Variants in CROCC observed in about 807,000 individuals in gnomAD.
CROCC encodes rootletin.
CROCC carries 180 observed loss-of-function variants against 245.2 expected under a neutral mutation model. The observed-to-expected ratio is 0.73, with a 90% CI of 0.65 to 0.83. The LOEUF is 0.83. CROCC is among the 40% of genes least tolerant of loss of function. CROCC has a pLI of 0.00. For missense variants in CROCC, 2,688 were observed against 2,779.4 expected (o/e 0.97, Z 0.74); for synonymous variants, 1,205 against 1,241.6 (o/e 0.97, Z 0.62).
At position 16,969,024 on chromosome 1, in the gene CROCC, G is replaced by C. The variant is rs1244187940; in HGVS notation, c.5077-92G>C. 2.5e-6 allele frequency: 3 copies of C among 1,203,996 alleles called. No homozygotes were observed. The African/African-American group carries it at 4.5e-5, about 18-fold the overall frequency. 74.6% of individuals were successfully genotyped at this position (1,203,996 alleles called of 1,614,324 possible). A position where few individuals can be genotyped will look rare whatever the true frequency, so the allele number is the denominator to read the frequency against. On this transcript the variant is annotated intron_variant, in intron 31 of 36. Transcript: ENST00000375541. ...CCCAGAGAGAAGTGGGAAGGGTGTG[G>C]ATTGGGCATGCCAGGTGGAGGTCAC...
At position 16,971,540 on chromosome 1, in the gene CROCC, C is replaced by T. The variant is rs1410046865; in HGVS notation, c.5860C>T (p.Leu1954=). Residue 1954 remains leucine (L), a synonymous_variant, in exon 36 of 37, where the codon CTG becomes TTG. Coordinates refer to ENST00000375541, the MANE Select transcript of CROCC (RefSeq NM_014675.5). ...EVDAQQQQLE[L]QQEVERLRSA... The stretch of plus-strand genomic sequence containing the variant: ...GGATGCGCAGCAGCAGCAGCTGGAG[C>T]TGCAGCAGGAGGTGGAGCGGCTGCG... 5 of 1,536,798 alleles carry T rather than the reference C, an allele frequency of 3.3e-6. No individual in the cohort carries two copies. Among genetic ancestry groups the T allele is most frequent in the Middle Eastern group, 2.1e-4 (1 of 4,654 alleles).
chr1:16,949,043 G>C, intron 19 of CROCC, 117 bp downstream of exon 19: 1 of 1,369,976 alleles, frequency 7.3e-7, no homozygotes, highest in Non-Finnish European at 9.9e-7. Flanking sequence ...GCTGGCCTGG[G>C]TTCCAGTCCT....
rs770875536 is a variant in CROCC, at chr1:16,966,008, C to T, written c.4585C>T (p.Arg1529Trp). 4 of 1,612,660 alleles carry T rather than the reference C, an allele frequency of 2.5e-6. No homozygotes were observed. The highest frequency in any genetic ancestry group is 1.3e-5 in the African/African-American group (1 of 74,920). Residue 1529 changes from arginine to tryptophan, a missense_variant, in exon 29 of 37, where the codon CGG becomes TGG. Transcript: ENST00000375541. This position sits in a 1 kb window ranked among gnomAD's most constrained non-coding sequence, Gnocchi z 4.8. ...CATGTCGGGGCTACAGGACGAACTT[C>T]GGACCCAGACCAGTGCCCTGAATCG... is the stretch of plus-strand genomic sequence containing the variant. Reference protein sequence around the residue: ...RSAQRERDELRTQTSALNRQL... With the variant: ...RSAQRERDELWTQTSALNRQL...
In CROCC at chr1:16,955,404, G is replaced by C. The variant is rs562130845; in HGVS notation, c.3558G>C (p.Glu1186Asp). 3.7e-6 allele frequency: 6 copies of C among 1,604,176 alleles called. No homozygotes were observed. Among genetic ancestry groups the C allele is most frequent in the East Asian group, 2.2e-5 (1 of 44,766 alleles). ...ELLEAQRKLR[E>D]SQEGREVQRQ... ...TGGAGGCCCAGCGCAAGCTGCGTGAGAGCCAGGAGGGCCGGGAGGTGCAGC... is the reference window on the plus strand; with the variant it reads ...TGGAGGCCCAGCGCAAGCTGCGTGACAGCCAGGAGGGCCGGGAGGTGCAGC... The change falls in exon 24 of 37, where the codon GAG becomes GAC. Residue 1186 changes from glutamate to aspartate, a missense_variant. Physicochemically the swap from Glu to Asp is conservative, Grantham distance 45 (BLOSUM62 2). Transcript: ENST00000375541.
chr1:16,939,585 C>G (rs1376114263), intron 12 of CROCC, among the ~76,000 whole-genome samples: 25 of 152,208 alleles, frequency 1.6e-4, no homozygotes, highest in African/African-American at 5.1e-4. Flanking sequence ...GGGGAGGAGC[C>G]TAGGAGCCCT....
At chr1:16,923,150 G>T (rs2075447486) in intron 2 of CROCC, among the ~76,000 whole-genome samples, 1 of 152,272 alleles carries the variant, frequency 6.6e-6, no homozygotes, top group South Asian at 2.1e-4. Context: ...CTCAGACCAG[G>T]GTTTTGCGGA....
In CROCC at chr1:16,922,721, A is replaced by C. The variant is rs1167540856; in HGVS notation, c.119A>C (p.Gln40Pro). The change falls in exon 2 of 37, where the codon CAG becomes CCG. Residue 40 changes from glutamine to proline, a missense_variant. Physicochemically the swap from Gln to Pro is moderately conservative, Grantham distance 76. Coordinates refer to ENST00000375541, the MANE Select transcript of CROCC (RefSeq NM_014675.5). Reference sequence around the variant, plus strand: ...GGCTTGGGCGCGCGGGACCTGGCCCAGGACGCTCAGATCACCAGCCTGCCT... The same window carrying C: ...GGCTTGGGCGCGCGGGACCTGGCCCCGGACGCTCAGATCACCAGCCTGCCT... ...EKGLGARDLA[Q>P]DAQITSLPAL... is the part of the protein sequence containing the mutation. 6.2e-7 allele frequency: 1 copy of C among 1,613,898 alleles called. No homozygotes were observed. The highest frequency in any genetic ancestry group is 1.3e-5 in the African/African-American group (1 of 75,082).
Position 16,931,396 on chromosome 1 carries a change from A to G in CROCC, c.955A>G (p.Arg319Gly). The G allele has an allele frequency of 6.2e-7, 1 of 1,609,966 alleles. No homozygotes were observed. Among genetic ancestry groups the G allele is most frequent in the South Asian group, 1.1e-5 (1 of 90,818 alleles). ...CAGCGAGGTGAAGATGTTCACTGAG[A>G]GGTGAGGCCTGGCCGGGGACGGGGC... ...LVSEVKMFTE[R>G]DLLQLGGELA... Residue 319 changes from arginine (R) to glycine (G), a missense_variant and splice_region_variant, in exon 8 of 37, where the codon AGG (arginine) becomes GGG (glycine). By Grantham distance (125) the Arg-to-Gly change is moderately radical. Transcript: ENST00000375541.
At chr1:16,970,598 C>G (rs768616233) in intron 34 of CROCC, 38 bp from the exon 35 acceptor site, 4 of 1,503,236 alleles carry the variant, frequency 2.7e-6, no homozygotes, top group Non-Finnish European at 3.6e-6. Flanking sequence ...CAGTAAGCTC[C>G]TCCTGGCACC....
Position 16,938,946 on chromosome 1 carries a change from G to A in CROCC, c.1412G>A (p.Ser471Asn), listed in dbSNP as rs1294753011. The A allele has an allele frequency of 1.9e-6, 3 of 1,601,486 alleles. No individual in the cohort carries two copies. Among genetic ancestry groups the A allele is most frequent in the South Asian group, 1.1e-5 (1 of 89,062 alleles). Residue 471 changes from serine to asparagine, a missense_variant, in exon 12 of 37, where the codon AGC becomes AAC. Ser to Asn is a conservative substitution (Grantham distance 46). This residue lies in a region of CROCC where 972 missense variants were observed against 895.3 expected (regional missense o/e 1.09). Transcript: ENST00000375541. ...LSDSESGVQL[S>N]GSERTADASN... ...GACTCTGAGAGCGGCGTCCAGCTGA[G>A]CGGCTCTGAGCGCACCGCGGATGCT...
chr1:16,968,021 G>A (rs1031316781), intron 30 of CROCC, among the ~76,000 whole-genome samples, 182 bp from the exon 31 acceptor site: 2 of 152,158 alleles, frequency 1.3e-5, no homozygotes, highest in African/African-American at 4.8e-5. Flanking sequence ...GGATCTTCAC[G>A]TCCACTCATC....
chr1:16,972,302 C>T (rs2076534798), intron 36 of CROCC, 58 bp from the exon 37 acceptor site: 1 of 1,410,382 alleles, frequency 7.1e-7, no homozygotes, highest in Non-Finnish European at 1.0e-6. Context: ...CTGCTGCCTC[C>T]CTTTCTCTGA....
intron 24 of CROCC, 127 bp from the exon 25 acceptor site, chr1:16,955,870 C>A: frequency 8.2e-7 from 1 of 1,212,506 alleles, no homozygotes; most frequent in Non-Finnish European, 1.2e-6. Flanking sequence ...CAGGGCTTAG[C>A]TCTTCAGAGA....
chr1:16,938,983 C>T lies in CROCC; in HGVS notation c.1449C>T (p.Ser483=). 1 of 1,604,242 alleles carries T rather than the reference C, an allele frequency of 6.2e-7. No individual in the cohort carries two copies. Among genetic ancestry groups the T allele is most frequent in the Non-Finnish European group, 8.5e-7 (1 of 1,176,884 alleles). The stretch of plus-strand genomic sequence containing the variant: ...GCACCGCGGATGCTTCCAACGGCAG[C>T]CTGCGGGGGCTCTCGGGCCAGCGGA... ...SERTADASNG[S]LRGLSGQRTP... Residue 483 remains serine (S), a synonymous_variant, in exon 12 of 37, where the codon AGC becomes AGT. Transcript: ENST00000375541.
At chr1:16,915,356 T>A (rs1161686686) in intron 1 of CROCC, among the ~76,000 whole-genome samples, 2 of 152,294 alleles carry the variant, frequency 1.3e-5, no homozygotes, top group African/African-American at 4.8e-5. Flanking sequence ...AGCTTTGGCC[T>A]TAGCCCATGC....
chr1:16,925,969 C>T (rs1231353270), intron 3 of CROCC, among the ~76,000 whole-genome samples: 3 of 152,270 alleles, frequency 2.0e-5, no homozygotes, highest in African/African-American at 7.2e-5. Context: ...CCCAGGGCCG[C>T]CTCTTAAATG....
chr1:16,972,517 C>A lies in CROCC; in HGVS notation c.*71C>A, dbSNP rs978639240. 1.1e-4 allele frequency: 110 copies of A among 1,014,048 alleles called. 3 individuals carry two copies. The South Asian group carries it at 1.6e-3, about 14-fold the overall frequency. The allele number at this position is 1,014,048 out of a possible 1,614,324, so 62.8% of individuals were successfully genotyped here. A position where few individuals can be genotyped will look rare whatever the true frequency, so the allele number is the denominator to read the frequency against. On this transcript the variant is annotated 3_prime_UTR_variant, in exon 37 of 37. Transcript: ENST00000375541. ...AGGACCCTTCTTTTGGACAGCCCCCCCACCCAGAGCCCGGTCCCTTGGGGG... is the reference window on the plus strand; with the variant it reads ...AGGACCCTTCTTTTGGACAGCCCCCACACCCAGAGCCCGGTCCCTTGGGGG...
chr1:16,946,817 C>A lies in CROCC; in HGVS notation c.2340C>A (p.Ala780=). The change falls in exon 17 of 37, where the codon GCC becomes GCA. Residue 780 remains alanine, a synonymous_variant. Coordinates refer to ENST00000375541, the MANE Select transcript of CROCC (RefSeq NM_014675.5). ...GGCAACGGCAGGCAGAGCAGGAGGCCACAGTGGCGCGGGAAGAGCAGGAAC... is the reference window on the plus strand; with the variant it reads ...GGCAACGGCAGGCAGAGCAGGAGGCAACAGTGGCGCGGGAAGAGCAGGAAC... The part of the protein sequence containing the change: ...QGRQRQAEQE[A]TVAREEQERL... 1 of 1,552,916 alleles carries A rather than the reference C, an allele frequency of 6.4e-7. No homozygotes were observed. The highest frequency in any genetic ancestry group is 8.7e-7 in the Non-Finnish European group (1 of 1,147,864).
At chr1:16,958,098 C>T (rs923133486) in intron 25 of CROCC, among the ~76,000 whole-genome samples, 11 of 152,190 alleles carry the variant, frequency 7.2e-5, no homozygotes, top group Non-Finnish European at 1.3e-4. Flanking sequence ...GGGGAGGTTA[C>T]TCTGACACTC....
Sources: allele counts gnomAD v4.1 joint callset (sites outside exome capture counted in the v4.1 genomes callset), GRCh38; gene constraint gnomAD v4.1.1; regional missense constraint gnomAD v4.1.1; non-coding constraint Gnocchi (gnomAD v3.1); transcripts MANE v1.5; gene names NCBI Gene and HGNC (gene_info 2026-07-23, HGNC 2026-07-21).